AKAP13: variants seen among roughly 807,000 people sequenced by gnomAD.
AKAP13 encodes A-kinase anchoring protein 13, also known as A-kinase anchor protein 13.
A neutral mutation model predicts 264.5 loss-of-function variants in AKAP13; 80 were observed. The ratio of observed to expected loss-of-function variants is 0.30; its 90% CI spans 0.25 to 0.36. The LOEUF (loss-of-function observed/expected upper bound fraction) is 0.36. Ranked by LOEUF, AKAP13 falls within the 10% of genes least tolerant of loss-of-function variation. The pLI is 1.00. For synonymous variants in AKAP13, 1,380 were observed against 1,250.2 expected (o/e 1.10, Z -2.19); for missense variants, 3,712 against 3,435.2 (o/e 1.08, Z -2.01).
intron 2 of AKAP13, among the ~76,000 whole-genome samples, chr15:85,488,132 A>T (rs1363674802): frequency 6.6e-6 from 1 of 151,996 alleles, no homozygotes; most frequent in Non-Finnish European, 1.5e-5. Flanking sequence ...TGATCCTTCC[A>T]CCTCGGCCTC....
chr15:85,461,494 A>G (rs917070716), intron 1 of AKAP13, among the ~76,000 whole-genome samples: 5 of 152,220 alleles, frequency 3.3e-5, no homozygotes, highest in East Asian at 1.9e-4. Flanking sequence ...GAATGTGTGA[A>G]TTAACTAATA....
intron 8 of AKAP13, among the ~76,000 whole-genome samples, chr15:85,599,004 A>C (rs929299189): frequency 6.6e-6 from 1 of 152,236 alleles, no homozygotes; most frequent in South Asian, 2.1e-4. Context: ...TAGTCAACAC[A>C]ATAGGCTATG....
chr15:85,744,213 G>A (rs183878791), intron 36 of AKAP13: 4 of 296,278 alleles, frequency 1.4e-5, no homozygotes, highest in Non-Finnish European at 2.5e-5. Flanking sequence ...AACCCCAAGA[G>A]AAGTGAGGAA....
chr15:85,682,280 T>G (rs1414261356), intron 15 of AKAP13, 68 bp downstream of exon 15: 1 of 1,484,326 alleles, frequency 6.7e-7, no homozygotes, highest in East Asian at 2.3e-5. Context: ...CTTAGGCCAT[T>G]TAATTACGTA....
chr15:85,441,916 A>T (rs1489722892), intron 1 of AKAP13, among the ~76,000 whole-genome samples: 1 of 152,156 alleles, frequency 6.6e-6, no homozygotes, highest in African/African-American at 2.4e-5. Flanking sequence ...CTTTTCTATC[A>T]TAGTTCACTT....
chr15:85,730,439 G>A, intron 29 of AKAP13, 74 bp from the exon 30 acceptor site: 1 of 1,484,406 alleles, frequency 6.7e-7, no homozygotes, highest in Non-Finnish European at 9.2e-7. Flanking sequence ...ACCACAAGGT[G>A]GTGCTCGTGT....
At chr15:85,442,493 A>ATATAT (rs1322120742) in intron 1 of AKAP13, among the ~76,000 whole-genome samples, 1 of 108,598 alleles carries the variant, frequency 9.2e-6, no homozygotes, top group Non-Finnish European at 1.8e-5. Context: ...TATATATAAT[A>ATATAT]TATATTATAT....
chr15:85,570,321 C>G (rs1178001051), intron 5 of AKAP13, among the ~76,000 whole-genome samples: 2 of 151,534 alleles, frequency 1.3e-5, no homozygotes, highest in African/African-American at 4.9e-5. Context: ...TGTGGTGGCA[C>G]ACGCCCTGTA....
At chr15:85,435,818 G>A (rs1220338049) in intron 1 of AKAP13, among the ~76,000 whole-genome samples, 2 of 149,598 alleles carry the variant, frequency 1.3e-5, no homozygotes, top group Non-Finnish European at 3.0e-5. Context: ...TGAAGGAAGC[G>A]CTAAACGTGG....
In AKAP13 at chr15:85,581,903, T is replaced by A. The variant is rs762610386; in HGVS notation, c.3835T>A (p.Ser1279Thr). 1.2e-6 allele frequency: 2 copies of A among 1,614,164 alleles called. No individual in the cohort carries two copies. Among genetic ancestry groups the A allele is most frequent in the Non-Finnish European group, 1.7e-6 (2 of 1,180,000 alleles). Residue 1279 changes from serine (S) to threonine (T), a missense_variant, in exon 7 of 37, where the codon TCA (serine) becomes ACA (threonine). Ser to Thr is a moderately conservative substitution (Grantham distance 58, BLOSUM62 1). Around this residue, in one of 3 missense-constraint regions of AKAP13, gnomAD observed 2,759 missense variants for 2,411.7 expected, o/e 1.14. Coordinates refer to ENST00000394518, the MANE Select transcript of AKAP13 (RefSeq NM_007200.5). ...TACTGAGGGGGAGGCCTGTCACATG[T>A]CACTGTCCAGCCCTGAGTTGGGTCC... ...LLTEGEACHM[S>T]LSSPELGPLT...
chr15:85,575,201 A>C lies in AKAP13; in HGVS notation c.733A>C (p.Arg245=). 1 of 1,614,162 alleles carries C rather than the reference A, an allele frequency of 6.2e-7. No homozygotes were observed. Residue 245 remains arginine (R), a synonymous_variant, in exon 6 of 37, where the codon AGG becomes CGG. Transcript: ENST00000394518. ...YEIPYGDCSV[R]HHRELDIYTL... ...AATACCGTATGGAGACTGTTCTGTG[A>C]GGCATCATCGAGAGTTGGACATCTA...
At chr15:85,568,170 C>T (rs551995636) in intron 5 of AKAP13, among the ~76,000 whole-genome samples, 51 of 151,898 alleles carry the variant, frequency 3.4e-4, no homozygotes, top group Non-Finnish European at 6.6e-4. Context: ...TATGGTGGTG[C>T]GTGCCTGTAG....
intron 8 of AKAP13, chr15:85,619,268 G>A (rs761474067): frequency 8.1e-5 from 55 of 675,478 alleles, no homozygotes; most frequent in Non-Finnish European, 9.3e-5. Flanking sequence ...AACCTCCAAG[G>A]CTGCGGGTGC....
At chr15:85,476,624 A>T (rs190688434) in intron 1 of AKAP13, among the ~76,000 whole-genome samples, 1 of 152,310 alleles carries the variant, frequency 6.6e-6, no homozygotes, top group African/African-American at 2.4e-5. Flanking sequence ...TAACTTGTCC[A>T]AGGTAACACA....
chr15:85,501,354 T>C (rs961353828), intron 2 of AKAP13, among the ~76,000 whole-genome samples: 15 of 152,252 alleles, frequency 9.9e-5, no homozygotes, highest in African/African-American at 3.6e-4. Flanking sequence ...GTTGCCCATA[T>C]CTTGCTAAGT....
intron 9 of AKAP13, among the ~76,000 whole-genome samples, chr15:85,644,629 C>T (rs2082464793): frequency 7.3e-6 from 1 of 137,446 alleles, no homozygotes; most frequent in South Asian, 2.3e-4. Context: ...GCAGGTGGAT[C>T]ACATGGTCAG....
intron 1 of AKAP13, among the ~76,000 whole-genome samples, chr15:85,472,650 G>C (rs1368808042): frequency 6.6e-6 from 1 of 152,130 alleles, no homozygotes; most frequent in Non-Finnish European, 1.5e-5. Flanking sequence ...ACCTAGCTTT[G>C]AACTCCTCTT....
chr15:85,694,808 T>C (rs2085480421), intron 17 of AKAP13, among the ~76,000 whole-genome samples: 1 of 152,208 alleles, frequency 6.6e-6, no homozygotes, highest in African/African-American at 2.4e-5. Context: ...TGATACTATA[T>C]CTATAACCAA....
At chr15:85,575,996 A>G (rs1006456882) in intron 6 of AKAP13, among the ~76,000 whole-genome samples, 5 of 152,222 alleles carry the variant, frequency 3.3e-5, no homozygotes, top group African/African-American at 1.2e-4. Context: ...AAAAACAGAA[A>G]AAGAAGGACT....
Sources: gnomAD v4.1 joint callset for allele counts (sites outside exome capture counted in the v4.1 genomes callset) on GRCh38, gnomAD v4.1.1 for gene constraint, gnomAD v4.1.1 regional missense constraint, MANE v1.5 for transcripts, NCBI Gene and HGNC (gene_info 2026-07-23, HGNC 2026-07-21) for gene names.